CTNNA3: variants seen among roughly 807,000 people sequenced by gnomAD.
CTNNA3 encodes catenin alpha 3, also known as catenin alpha-3.
Under a neutral mutation model 95.7 loss-of-function variants are expected in CTNNA3, and 76 were observed. That is an observed-to-expected ratio of 0.79 (90% CI 0.66 to 0.96). The LOEUF is 0.96. Ranked by LOEUF, CTNNA3 falls within the 40% of genes least tolerant of loss-of-function variation. The probability of loss-of-function intolerance (pLI) is 0.00; values close to 1 mark genes in which losing one functional copy is unlikely to be tolerated. For missense variants in CTNNA3, 1,191 were observed against 1,089.8 expected (o/e 1.09, Z -1.31); for synonymous variants, 431 against 374.4 (o/e 1.15, Z -1.74).
At chr10:66,594,890 C>A (rs1191077681) in intron 10 of CTNNA3, among the ~76,000 whole-genome samples, 10 of 151,954 alleles carry the variant, frequency 6.6e-5, no homozygotes, top group African/African-American at 2.2e-4. Context: ...ATAATATCTG[C>A]CATATAAGTT....
intron 5 of CTNNA3, among the ~76,000 whole-genome samples, chr10:67,289,357 A>G (rs900807118): frequency 5.9e-5 from 9 of 152,198 alleles, no homozygotes; most frequent in Non-Finnish European, 1.2e-4. Flanking sequence ...TATATGCCAG[A>G]GCTTCACATA....
intron 10 of CTNNA3, among the ~76,000 whole-genome samples, chr10:66,592,017 G>A (rs867424679): frequency 4.6e-5 from 7 of 150,754 alleles, no homozygotes; most frequent in Admixed American, 1.3e-4. Flanking sequence ...AAATACAAGC[G>A]ATGAATTTAA....
intron 7 of CTNNA3, among the ~76,000 whole-genome samples, chr10:66,888,940 T>C (rs1845151962): frequency 6.6e-6 from 1 of 152,234 alleles, no homozygotes; most frequent in African/African-American, 2.4e-5. Flanking sequence ...CAACTTCATT[T>C]ATACTTGCCA....
chr10:66,208,953 C>T (rs761061514), intron 13 of CTNNA3, among the ~76,000 whole-genome samples: 14 of 151,792 alleles, frequency 9.2e-5, no homozygotes, highest in Non-Finnish European at 1.9e-4. Flanking sequence ...CCTAAGAATA[C>T]TCAATCCAAG....
intron 1 of CTNNA3, among the ~76,000 whole-genome samples, chr10:67,726,916 A>G (rs1841234109): frequency 8.6e-6 from 1 of 116,390 alleles, no homozygotes; most frequent in South Asian, 2.4e-4. Context: ...TTATATACAT[A>G]TGATATAAAT....
Position 65,919,499 on chromosome 10 carries a change from A to C in CTNNA3, c.*831T>G, listed in dbSNP as rs1181545277. 6.6e-6 allele frequency: 1 copy of C among 152,214 alleles called. No homozygotes were observed. Among genetic ancestry groups the C allele is most frequent in the African/African-American group, 2.4e-5 (1 of 41,462 alleles). The allele number at this position is 152,214 out of a possible 1,614,324, so 9.4% of individuals were successfully genotyped here. A position where few individuals can be genotyped will look rare whatever the true frequency, so the allele number is the denominator to read the frequency against. On this transcript the variant is annotated 3_prime_UTR_variant, in exon 18 of 18. Coordinates refer to ENST00000433211, the MANE Select transcript of CTNNA3 (RefSeq NM_013266.4). Reference sequence around the variant, plus strand: ...AACTTACACTTCTGTTATTATTAATATAACTCACTTTGGGATATAGTTTGT... The same window carrying C: ...AACTTACACTTCTGTTATTATTAATCTAACTCACTTTGGGATATAGTTTGT...
chr10:65,975,730 A>C (rs1437293173), intron 16 of CTNNA3, among the ~76,000 whole-genome samples: 1 of 152,032 alleles, frequency 6.6e-6, no homozygotes, highest in Non-Finnish European at 1.5e-5. Context: ...TATTATTTTC[A>C]TTTTGTAGAT....
At chr10:66,729,480 T>A (rs2132660550) in intron 9 of CTNNA3, among the ~76,000 whole-genome samples, 1 of 152,362 alleles carries the variant, frequency 6.6e-6, no homozygotes, top group South Asian at 2.1e-4. Context: ...AATTATTCTA[T>A]TATGTTCACA....
chr10:67,607,337 G>T (rs762616273), intron 2 of CTNNA3, among the ~76,000 whole-genome samples: 1 of 150,722 alleles, frequency 6.6e-6, no homozygotes, highest in African/African-American at 2.5e-5. Context: ...AATAAGATGA[G>T]CTAGAGAGAC....
At chr10:66,109,566 C>A (rs544370010) in intron 13 of CTNNA3, among the ~76,000 whole-genome samples, 2 of 152,072 alleles carry the variant, frequency 1.3e-5, no homozygotes, top group Non-Finnish European at 2.9e-5. Flanking sequence ...TCACTTGGCC[C>A]AACATAGGTA....
At chr10:67,316,468 A>G (rs1841054219) in intron 5 of CTNNA3, among the ~76,000 whole-genome samples, 1 of 152,320 alleles carries the variant, frequency 6.6e-6, no homozygotes, top group East Asian at 1.9e-4. Flanking sequence ...CACCACCACC[A>G]CCATCAACAA....
intron 11 of CTNNA3, among the ~76,000 whole-genome samples, chr10:66,405,749 A>T (rs867485694): frequency 6.6e-6 from 1 of 152,124 alleles, no homozygotes; most frequent in Non-Finnish European, 1.5e-5. Flanking sequence ...TTCCTGTCCT[A>T]TGCTGCACTA....
At chr10:67,079,998 A>T (rs1409304360) in intron 7 of CTNNA3, among the ~76,000 whole-genome samples, 1 of 152,136 alleles carries the variant, frequency 6.6e-6, no homozygotes, top group Non-Finnish European at 1.5e-5. Context: ...GGGTGGTTGT[A>T]CAAGGTTTTG....
intron 17 of CTNNA3, among the ~76,000 whole-genome samples, chr10:65,922,630 T>C (rs922107747): frequency 6.6e-6 from 1 of 152,202 alleles, no homozygotes; most frequent in African/African-American, 2.4e-5. Flanking sequence ...ATAAATACAA[T>C]CCTGATTAAC....
chr10:66,231,485 C>A (rs2089588125), intron 13 of CTNNA3, among the ~76,000 whole-genome samples: 1 of 152,004 alleles, frequency 6.6e-6, no homozygotes, highest in Admixed American at 6.5e-5. Flanking sequence ...AGGGGGAATC[C>A]TTCCAGAATA....
At chr10:67,261,618 T>C (rs763505942) in intron 5 of CTNNA3, among the ~76,000 whole-genome samples, 9 of 152,324 alleles carry the variant, frequency 5.9e-5, no homozygotes, top group Non-Finnish European at 1.2e-4. Context: ...TTTATGAATA[T>C]AGAGCAACTT....
intron 5 of CTNNA3, among the ~76,000 whole-genome samples, chr10:67,277,787 G>A (rs1292168753): frequency 3.9e-5 from 6 of 152,112 alleles, no homozygotes; most frequent in Admixed American, 3.9e-4. Flanking sequence ...TCCCACCAGT[G>A]TCATGACAGT....
intron 12 of CTNNA3, among the ~76,000 whole-genome samples, chr10:66,364,848 T>C (rs1037849458): frequency 2.6e-5 from 4 of 152,140 alleles, no homozygotes; most frequent in South Asian, 2.1e-4. Context: ...ATGATACTTA[T>C]GGCAATGGTT....
At chr10:66,871,562 C>CAAAAAAA (rs34018938) in intron 7 of CTNNA3, among the ~76,000 whole-genome samples, 1 of 96,460 alleles carries the variant, frequency 1.0e-5, no homozygotes, top group Non-Finnish European at 2.0e-5. Flanking sequence ...AACTCTGTCT[C>CAAAAAAA]AAAAAAAAAA....
Sources: gnomAD v4.1 joint callset for allele counts (sites outside exome capture counted in the v4.1 genomes callset) on GRCh38, gnomAD v4.1.1 for gene constraint, MANE v1.5 for transcripts, NCBI Gene and HGNC (gene_info 2026-07-23, HGNC 2026-07-21) for gene names.